Variants in ARHGEF33 observed in about 807,000 individuals in gnomAD.
The protein encoded by ARHGEF33 is Rho guanine nucleotide exchange factor 33.
ARHGEF33 carries 72 observed loss-of-function variants against 101.9 expected under a neutral mutation model. The observed-to-expected ratio is 0.71, with a 90% CI of 0.58 to 0.86. The LOEUF is 0.86. Among genes scored for constraint, ARHGEF33 ranks in the 40% least tolerant of loss-of-function variants. ARHGEF33 has a pLI of 0.00. For synonymous variants in ARHGEF33, 499 were observed against 442.5 expected, an observed-to-expected ratio of 1.13 and a Z score of -1.60; for missense variants, 1,169 against 1,111.3, an observed-to-expected ratio of 1.05 and a Z score of -0.74.
chr2:38,918,889 A>C (rs560129140), intron 2 of ARHGEF33, among the ~76,000 whole-genome samples: 14 of 151,732 alleles, frequency 9.2e-5, no homozygotes, highest in African/African-American at 3.1e-4. Flanking sequence ...AAAAAAAAAA[A>C]AAAAAACAAA....
intron 2 of ARHGEF33, among the ~76,000 whole-genome samples, chr2:38,914,151 G>A (rs1038834221): frequency 6.6e-6 from 1 of 152,146 alleles, no homozygotes; most frequent in Non-Finnish European, 1.5e-5. Context: ...GAATATTCCT[G>A]GGGGAAATAA....
At chr2:38,947,138 C>T (rs184196460) in intron 10 of ARHGEF33, among the ~76,000 whole-genome samples, 3 of 152,346 alleles carry the variant, frequency 2.0e-5, no homozygotes, top group Admixed American at 2.0e-4. Flanking sequence ...CTTTTTACCC[C>T]ATTGGAAAGT....
At chr2:38,944,547 C>G (rs1667391818) in intron 10 of ARHGEF33, among the ~76,000 whole-genome samples, 1 of 152,104 alleles carries the variant, frequency 6.6e-6, no homozygotes, top group Non-Finnish European at 1.5e-5. Flanking sequence ...ACATTTAGAT[C>G]ATAGCAATAG....
At chr2:38,943,784 G>A in intron 9 of ARHGEF33, 117 bp from the exon 10 acceptor site, 2 of 1,051,654 alleles carry the variant, frequency 1.9e-6, no homozygotes, top group South Asian at 3.1e-5. Context: ...TCAAAAACTT[G>A]CAGATGGTTT....
At chr2:38,914,422 C>T (rs1436231309) in intron 2 of ARHGEF33, among the ~76,000 whole-genome samples, 1 of 152,178 alleles carries the variant, frequency 6.6e-6, no homozygotes, top group Non-Finnish European at 1.5e-5. Context: ...AATCCCAGTA[C>T]TTTGGGAGGC....
chr2:38,899,563 G>T (rs926444314), intron 2 of ARHGEF33, among the ~76,000 whole-genome samples: 3 of 152,040 alleles, frequency 2.0e-5, no homozygotes, highest in Non-Finnish European at 4.4e-5. Flanking sequence ...GATGGGTGAG[G>T]GGGTGGAATG....
chr2:38,897,040 C>G (rs751743971), intron 2 of ARHGEF33, among the ~76,000 whole-genome samples: 2 of 152,122 alleles, frequency 1.3e-5, no homozygotes, highest in African/African-American at 4.8e-5. Flanking sequence ...CTCAGCGTCC[C>G]GAGTAGCTGG....
At position 38,955,481 on chromosome 2, in the gene ARHGEF33, C is replaced by CTTTTTTTT. The variant is rs3085350; in HGVS notation, c.1221+1043_1221+1050dup. Among the ~76,000 whole-genome samples, 90 of 71,182 alleles carry CTTTTTTTT rather than the reference C, an allele frequency of 1.3e-3. 8 individuals are homozygous for CTTTTTTTT. The highest frequency in any genetic ancestry group is 2.6e-3 in the East Asian group (5 of 1,914). The allele number at this position is 71,182 out of a possible 152,430, so 46.7% of individuals were successfully genotyped here. A position where few individuals can be genotyped will look rare whatever the true frequency, so the allele number is the denominator to read the frequency against. On this transcript the variant is annotated intron_variant, in intron 13 of 17. Transcript: ENST00000409978. ...TATCAAAGCATCAATATTGAAAAGA[C>CTTTTTTTT]TTTTTTTTTTTTTTTTTTTTTTTTT...
At chr2:38,908,841 A>T (rs1438739936) in intron 2 of ARHGEF33, among the ~76,000 whole-genome samples, 1 of 152,144 alleles carries the variant, frequency 6.6e-6, no homozygotes, top group Non-Finnish European at 1.5e-5. Flanking sequence ...CTGCCAGTGG[A>T]ACTTTGCTTG....
At chr2:38,956,685 A>T (rs1486451259) in intron 13 of ARHGEF33, among the ~76,000 whole-genome samples, 1 of 152,242 alleles carries the variant, frequency 6.6e-6, no homozygotes, top group Non-Finnish European at 1.5e-5. Flanking sequence ...ATTCAACTCA[A>T]ACAGGTACGA....
At chr2:38,939,773 C>T (rs1013288567) in intron 9 of ARHGEF33, among the ~76,000 whole-genome samples, 9 of 152,156 alleles carry the variant, frequency 5.9e-5, no homozygotes, top group Non-Finnish European at 1.3e-4. Context: ...TCCTCAGCCT[C>T]CCAAGGAGCT....
At chr2:38,949,450 C>T (rs1408573410) in intron 10 of ARHGEF33, among the ~76,000 whole-genome samples, 2 of 152,076 alleles carry the variant, frequency 1.3e-5, no homozygotes, top group Admixed American at 1.3e-4. Flanking sequence ...CACTCTTACC[C>T]AGCTAGTCCC....
chr2:38,927,450 C>G (rs1444612896), intron 4 of ARHGEF33, among the ~76,000 whole-genome samples: 1 of 152,232 alleles, frequency 6.6e-6, no homozygotes, highest in African/African-American at 2.4e-5. Flanking sequence ...AATCCCAGCA[C>G]TTTGGGAGGC....
intron 10 of ARHGEF33, 98 bp downstream of exon 10, chr2:38,944,128 G>A: frequency 7.9e-7 from 1 of 1,265,136 alleles, no homozygotes. Context: ...CCTATGAAGA[G>A]TTCCAGAAAT....
chr2:38,913,351 A>G (rs1430083389), intron 2 of ARHGEF33, among the ~76,000 whole-genome samples: 1 of 152,234 alleles, frequency 6.6e-6, no homozygotes, highest in Non-Finnish European at 1.5e-5. Context: ...GCTCTGCTCT[A>G]TTATCTTTTA....
At position 38,960,168 on chromosome 2, in the gene ARHGEF33, G is replaced by A. The variant is rs924391589; in HGVS notation, c.1863G>A (p.Glu621=). 5 of 1,542,798 alleles carry A rather than the reference G, an allele frequency of 3.2e-6. No homozygotes were observed. The highest frequency in any genetic ancestry group is 1.4e-5 in the African/African-American group (1 of 72,898). The change falls in exon 16 of 18, where the codon GAG becomes GAA. Residue 621 remains glutamate (E), a synonymous_variant. Coordinates refer to ENST00000409978, the MANE Select transcript of ARHGEF33 (RefSeq NM_001145451.5). The part of the protein sequence containing the change: ...AAYEEFEYGG[E]IFALPAPYDE... ...ACGAAGAGTTCGAGTACGGCGGCGA[G>A]ATCTTCGCGCTGCCCGCGCCCTACG...
intron 4 of ARHGEF33, among the ~76,000 whole-genome samples, chr2:38,925,921 T>C (rs1666858815): frequency 6.6e-6 from 1 of 151,824 alleles, no homozygotes; most frequent in African/African-American, 2.4e-5. Flanking sequence ...TTGAAATTTG[T>C]GAAAATTAAG....
chr2:38,891,482 C>T (rs913822980), intron 1 of ARHGEF33, among the ~76,000 whole-genome samples: 1 of 151,756 alleles, frequency 6.6e-6, no homozygotes, highest in Admixed American at 6.6e-5. Context: ...CTTCAGAAAC[C>T]AGTCCACCAT....
chr2:38,927,979 G>C (rs1666911111), intron 4 of ARHGEF33, among the ~76,000 whole-genome samples: 1 of 152,114 alleles, frequency 6.6e-6, no homozygotes. Flanking sequence ...CACCTAAAGG[G>C]GGAGAAGAAT....
Sources: allele counts gnomAD v4.1 joint callset (sites outside exome capture counted in the v4.1 genomes callset), GRCh38; gene constraint gnomAD v4.1.1; transcripts MANE v1.5; gene names NCBI Gene and HGNC (gene_info 2026-07-23, HGNC 2026-07-21).